Variants in SPATA32 observed in about 807,000 individuals in gnomAD.
SPATA32 encodes spermatogenesis-associated protein 32.
Under a neutral mutation model 35.4 loss-of-function variants are expected in SPATA32, and 28 were observed. The observed-to-expected ratio is 0.79, with a 90% CI of 0.59 to 1.09. The LOEUF is 1.09. Among genes scored for constraint, SPATA32 ranks in the 50% least tolerant of loss-of-function variants. The pLI, the probability that SPATA32 is intolerant of heterozygous loss-of-function variation, is 0.00. For synonymous variants in SPATA32, 168 were observed against 196.3 expected, an observed-to-expected ratio of 0.86 and a Z score of 1.20; for missense variants, 409 against 475.9, an observed-to-expected ratio of 0.86 and a Z score of 1.31.
At chr17:45,261,713 A>G in intron 1 of SPATA32, 1 of 385,794 alleles carries the variant, frequency 2.6e-6, no homozygotes, top group East Asian at 3.7e-5. Flanking sequence ...CTGTGGTCTC[A>G]GAACCCCTTC....
chr17:45,254,425 G>A lies in SPATA32; in HGVS notation c.*1C>T. On this transcript the variant is annotated 3_prime_UTR_variant, in exon 5 of 5. Coordinates refer to ENST00000331780, the MANE Select transcript of SPATA32 (RefSeq NM_152343.3). Reference sequence around the variant, plus strand: ...CTGGAGGCTTTATTGGTTCTGTCTAGTCATTTCTCTGGGATTGTGGGGGCT... The same window carrying A: ...CTGGAGGCTTTATTGGTTCTGTCTAATCATTTCTCTGGGATTGTGGGGGCT... 1 of 1,613,914 alleles carries A rather than the reference G, an allele frequency of 6.2e-7. No homozygotes were observed. The highest frequency in any genetic ancestry group is 8.5e-7 in the Non-Finnish European group (1 of 1,179,790).
chr17:45,256,655 C>G lies in SPATA32; in HGVS notation c.69-240G>C, dbSNP rs1398287350. ...AGGAAGCTGCTTGCCAACTCATGCCCCACCCCCAAAGAGGAATCCAGTTGG... is the reference window on the plus strand; with the variant it reads ...AGGAAGCTGCTTGCCAACTCATGCCGCACCCCCAAAGAGGAATCCAGTTGG... On this transcript the variant is annotated intron_variant, in intron 2 of 4. Coordinates refer to ENST00000331780, the MANE Select transcript of SPATA32 (RefSeq NM_152343.3). This position sits in a 1 kb window ranked among gnomAD's most constrained non-coding sequence, Gnocchi z 4.7. 6.6e-6 allele frequency among the ~76,000 whole-genome samples: 1 copy of G among 152,118 alleles called. No individual in the cohort carries two copies. The highest frequency in any genetic ancestry group is 6.5e-5 in the Admixed American group (1 of 15,278).
chr17:45,257,433 C>T (rs564586947), intron 1 of SPATA32, among the ~76,000 whole-genome samples: 54 of 152,276 alleles, frequency 3.5e-4, no homozygotes, highest in Non-Finnish European at 3.2e-4. Flanking sequence ...CGGAGGCTCC[C>T]GGTTCCATCT....
At chr17:45,259,525 G>A (rs2043986118) in intron 1 of SPATA32, among the ~76,000 whole-genome samples, 1 of 151,786 alleles carries the variant, frequency 6.6e-6, no homozygotes, top group Non-Finnish European at 1.5e-5. Flanking sequence ...TCTGTTTATG[G>A]TAAAATACAT....
At position 45,254,525 on chromosome 17, in the gene SPATA32, AAG is replaced by A. The variant is rs1417673228; in HGVS notation, c.1068-14_1068-13del. 2 of 1,613,470 alleles carry A rather than the reference AAG, an allele frequency of 1.2e-6. No homozygotes were observed. The highest frequency in any genetic ancestry group is 1.7e-6 in the Non-Finnish European group (2 of 1,179,512). On this transcript the variant is annotated splice_polypyrimidine_tract_variant and intron_variant, in intron 4 of 4. Coordinates refer to ENST00000331780, the MANE Select transcript of SPATA32 (RefSeq NM_152343.3). Reference sequence around the variant, plus strand: ...CTGGCGGCACTGAGCTGCAACACAAAAGAGAGAGTGTCACTTGGGCCCCAGAG... The same window carrying A: ...CTGGCGGCACTGAGCTGCAACACAAAAGAGAGTGTCACTTGGGCCCCAGAG...
At chr17:45,257,301 TTC>T in intron 1 of SPATA32, 94 bp from the exon 2 acceptor site, 1 of 1,363,250 alleles carries the variant, frequency 7.3e-7, no homozygotes, top group Non-Finnish European at 1.0e-6. Context: ...TGCCCTTCTT[TTC>T]TCTCTTCCCG....
At chr17:45,254,889 G>A (rs1027841046) in intron 4 of SPATA32, 9 of 590,500 alleles carry the variant, frequency 1.5e-5, no homozygotes, top group Non-Finnish European at 2.7e-5. Context: ...CACCCTCCTT[G>A]GTCCCCAGGC....
At chr17:45,257,313 GGCT>G in intron 1 of SPATA32, 106 bp from the exon 2 acceptor site, 2 of 1,265,140 alleles carry the variant, frequency 1.6e-6, no homozygotes, top group South Asian at 1.3e-5. Flanking sequence ...CTCTCTTCCC[GGCT>G]GCTATTCCCC....
At chr17:45,258,593 T>C (rs2043978138) in intron 1 of SPATA32, among the ~76,000 whole-genome samples, 1 of 152,184 alleles carries the variant, frequency 6.6e-6, no homozygotes, top group Admixed American at 6.5e-5. Context: ...CTTGAGAATG[T>C]TCTATTAGGG....
chr17:45,255,745 T>G lies in SPATA32; in HGVS notation c.437A>C (p.His146Pro), dbSNP rs936557318. The change falls in exon 4 of 5, where the codon CAT becomes CCT. Residue 146 changes from histidine (H) to proline (P), a missense_variant. Physicochemically the swap from His to Pro is moderately conservative, Grantham distance 77. Transcript: ENST00000331780. The surrounding 1 kb of genome is among the most constrained non-coding windows in gnomAD (Gnocchi z 5.4). ...GGAGGTCTGCGCACTGATGGAGTGA[T>G]GGCAGGCAGACACGTGGTTCTCCTC... ...FTEENHVSAC[H>P]HSISAQTSKH... The G allele has an allele frequency of 6.2e-7, 1 of 1,613,922 alleles. No homozygotes were observed. Among genetic ancestry groups the G allele is most frequent in the Non-Finnish European group, 8.5e-7 (1 of 1,179,942 alleles).
At chr17:45,258,266 G>A (rs551409692) in intron 1 of SPATA32, among the ~76,000 whole-genome samples, 53 of 152,170 alleles carry the variant, frequency 3.5e-4, no homozygotes, top group African/African-American at 1.1e-3. Flanking sequence ...CAGAGTGGCC[G>A]GCTCAATGAT....
Position 45,255,610 on chromosome 17 carries a change from G to A in SPATA32, c.572C>T (p.Pro191Leu), listed in dbSNP as rs773588883. 9.9e-6 allele frequency: 16 copies of A among 1,613,840 alleles called. No homozygotes were observed. Among genetic ancestry groups the A allele is most frequent in the African/African-American group, 2.7e-5 (2 of 74,894 alleles). Residue 191 changes from proline to leucine, a missense_variant, in exon 4 of 5, where the codon CCG becomes CTG. Physicochemically the swap from Pro to Leu is moderately conservative, Grantham distance 98. Coordinates refer to ENST00000331780, the MANE Select transcript of SPATA32 (RefSeq NM_152343.3). The surrounding 1 kb of genome is among the most constrained non-coding windows in gnomAD (Gnocchi z 5.4). ...NGSAGQPIRS[P>L]LREAIPTNAL... ...GTTGGTGGGGATGGCCTCCCGGAGCGGGGATCTGATGGGCTGGCCTGCGCT... is the reference window on the plus strand; with the variant it reads ...GTTGGTGGGGATGGCCTCCCGGAGCAGGGATCTGATGGGCTGGCCTGCGCT...
At position 45,255,632 on chromosome 17, in the gene SPATA32, C is replaced by G; in HGVS notation, c.550G>C (p.Ala184Pro). Residue 184 changes from alanine (A) to proline (P), a missense_variant, in exon 4 of 5, where the codon GCA becomes CCA. By Grantham distance (27) the Ala-to-Pro change is conservative. Transcript: ENST00000331780. The surrounding 1 kb of genome is among the most constrained non-coding windows in gnomAD (Gnocchi z 5.4). Reference protein sequence around the residue: ...AINMQLNNGSAGQPIRSPLRE... With the variant: ...AINMQLNNGSPGQPIRSPLRE... ...AGCGGGGATCTGATGGGCTGGCCTG[C>G]GCTGCCATTGTTGAGCTGCATGTTG... The G allele has an allele frequency of 6.2e-7, 1 of 1,613,906 alleles. No homozygotes were observed. The highest frequency in any genetic ancestry group is 8.5e-7 in the Non-Finnish European group (1 of 1,180,008).
chr17:45,254,651 A>C, intron 4 of SPATA32, 138 bp from the exon 5 acceptor site: 1 of 679,988 alleles, frequency 1.5e-6, no homozygotes, highest in Non-Finnish European at 2.6e-6. Context: ...AGCTGAGATT[A>C]CATTCTGTGT....
chr17:45,255,670 A>G lies in SPATA32; in HGVS notation c.512T>C (p.Leu171Pro), dbSNP rs1421549814. 1.9e-6 allele frequency: 3 copies of G among 1,614,068 alleles called. No homozygotes were observed. The highest frequency in any genetic ancestry group is 4.5e-5 in the East Asian group (2 of 44,886). Residue 171 changes from leucine (L) to proline (P), a missense_variant, in exon 4 of 5, where the codon CTG (leucine) becomes CCG (proline). Physicochemically the swap from Leu to Pro is moderately conservative, Grantham distance 98 (BLOSUM62 -3). Coordinates refer to ENST00000331780, the MANE Select transcript of SPATA32 (RefSeq NM_152343.3). This position sits in a 1 kb window ranked among gnomAD's most constrained non-coding sequence, Gnocchi z 5.4. ...NKLIQASEHS[L>P]QRAINMQLNN... is the part of the protein sequence containing the mutation. ...GAGCTGCATGTTGATGGCCCGCTGC[A>G]GGCTGTGCTCTGAGGCCTGGATGAG...
At position 45,255,027 on chromosome 17, in the gene SPATA32, G is replaced by A; in HGVS notation, c.1067+88C>T. 1 of 1,310,708 alleles carries A rather than the reference G, an allele frequency of 7.6e-7. No individual in the cohort carries two copies. Among genetic ancestry groups the A allele is most frequent in the Non-Finnish European group, 1.1e-6 (1 of 935,106 alleles). 81.2% of individuals were successfully genotyped at this position (1,310,708 alleles called of 1,614,324 possible). ...CCTGCTCCCAGGCCCTCATTCCACT[G>A]TTCCCCACCCCTACCCAGCTGTGTG... is the stretch of plus-strand genomic sequence containing the variant. On this transcript the variant is annotated intron_variant, in intron 4 of 4. Coordinates refer to ENST00000331780, the MANE Select transcript of SPATA32 (RefSeq NM_152343.3). This position sits in a 1 kb window ranked among gnomAD's most constrained non-coding sequence, Gnocchi z 5.4.
Position 45,255,814 on chromosome 17 carries a change from G to A in SPATA32, c.368C>T (p.Thr123Ile). The part of the protein sequence containing the change: ...HSNMGLPTPQ[T>I]FRPWSLNSNC... ...TGAATTCAGACTCCACGGTCTGAAGGTCTGTGGCGTGGGCAGCCCCATGTT... is the reference window on the plus strand; with the variant it reads ...TGAATTCAGACTCCACGGTCTGAAGATCTGTGGCGTGGGCAGCCCCATGTT... Residue 123 changes from threonine to isoleucine, a missense_variant, in exon 4 of 5, where the codon ACC (threonine) becomes ATC (isoleucine). Physicochemically the swap from Thr to Ile is moderately conservative, Grantham distance 89. Transcript: ENST00000331780. This position sits in a 1 kb window ranked among gnomAD's most constrained non-coding sequence, Gnocchi z 5.4. 1.9e-6 allele frequency: 3 copies of A among 1,614,190 alleles called. No individual in the cohort carries two copies. Among genetic ancestry groups the A allele is most frequent in the Non-Finnish European group, 2.5e-6 (3 of 1,180,034 alleles).
chr17:45,258,902 C>G (rs1229411849), intron 1 of SPATA32, among the ~76,000 whole-genome samples: 1 of 152,206 alleles, frequency 6.6e-6, no homozygotes, highest in East Asian at 1.9e-4. Context: ...TCCCAAAGTG[C>G]TGGGATTACA....
chr17:45,262,009 A>AC lies in SPATA32; in HGVS notation c.7dup (p.Val3GlyfsTer23), dbSNP rs1438597045. ...GGGCGCTCGGCCGCTCCCACCTGTCACCCCCATGCAGACCGAGGCTCTGTC... is the reference window on the plus strand; with the variant it reads ...GGGCGCTCGGCCGCTCCCACCTGTCACCCCCCATGCAGACCGAGGCTCTGTC... On this transcript the variant is annotated frameshift_variant, in exon 1 of 5. Coordinates refer to ENST00000331780, the MANE Select transcript of SPATA32 (RefSeq NM_152343.3). LOFTEE classifies it high-confidence loss of function. The AC allele has an allele frequency of 7.6e-7, 1 of 1,311,410 alleles. No individual in the cohort carries two copies. The allele number at this position is 1,311,410 out of a possible 1,614,324, so 81.2% of individuals were successfully genotyped here. A position where few individuals can be genotyped will look rare whatever the true frequency, so the allele number is the denominator to read the frequency against.
Sources: gnomAD v4.1 joint callset for allele counts (sites outside exome capture counted in the v4.1 genomes callset) on GRCh38, gnomAD v4.1.1 for gene constraint, Gnocchi (gnomAD v3.1) non-coding constraint, MANE v1.5 for transcripts, NCBI Gene and HGNC (gene_info 2026-07-23, HGNC 2026-07-21) for gene names.